ASPH: variants seen among roughly 807,000 people sequenced by gnomAD.
ASPH encodes aspartyl/asparaginyl beta-hydroxylase.
A neutral mutation model predicts 118.4 loss-of-function variants in ASPH; 100 were observed. The ratio of observed to expected loss-of-function variants is 0.84; its 90% CI spans 0.72 to 1.00. The LOEUF is 1.00. Ranked by LOEUF, ASPH falls within the 50% of genes least tolerant of loss-of-function variation. ASPH has a pLI of 0.00. For missense variants in ASPH, 920 were observed against 919.5 expected, an observed-to-expected ratio of 1.00 and a Z score of -0.01; for synonymous variants, 315 against 325.6, an observed-to-expected ratio of 0.97 and a Z score of 0.35.
At position 61,579,382 on chromosome 8, in the gene ASPH, T is replaced by A. The variant is rs1836610679; in HGVS notation, c.1063-2524A>T. 7 of 1,613,914 alleles carry A rather than the reference T, an allele frequency of 4.3e-6. No homozygotes were observed. In the Admixed American group the frequency reaches 1.2e-4, roughly 27 times the overall value. On this transcript the variant is annotated intron_variant, in intron 15 of 24. Transcript: ENST00000379454. ...GTCAAGCTGGCCCTGGACATCGAGA[T>A]CGCCACCTACAGGAAGCTGCTGGAG...
rs1806316440 is a variant in ASPH, at chr8:61,643,543, T to C, written c.710-110A>G. On this transcript the variant is annotated intron_variant, in intron 8 of 24. Coordinates refer to ENST00000379454, the MANE Select transcript of ASPH (RefSeq NM_004318.4). Reference sequence around the variant, plus strand: ...TATCTTCACAACTTTGCCAGATAGATGTTTTCATTATCATTTAATAAAATT... The same window carrying C: ...TATCTTCACAACTTTGCCAGATAGACGTTTTCATTATCATTTAATAAAATT... 11 of 1,061,482 alleles carry C rather than the reference T, an allele frequency of 1.0e-5. 1 individual carries two copies. The South Asian group carries it at 1.6e-4, about 16-fold the overall frequency. 65.8% of individuals were successfully genotyped at this position (1,061,482 alleles called of 1,614,324 possible).
At chr8:61,675,567 A>C in intron 3 of ASPH, 50 of 979,726 alleles carry the variant, frequency 5.1e-5, no homozygotes, top group Non-Finnish European at 5.9e-5. Flanking sequence ...AAATTACAAT[A>C]AAAAATATCA....
At position 61,714,510 on chromosome 8, in the gene ASPH, T is replaced by G. The variant is rs1433036085; in HGVS notation, c.-139A>C. ...CTGCTCCTGCAGCAGACCCTGTGCC[T>G]CAGCACCGCCTGCAGCACCTGGGAA... On this transcript the variant is annotated 5_prime_UTR_variant, in exon 1 of 25. Coordinates refer to ENST00000379454, the MANE Select transcript of ASPH (RefSeq NM_004318.4). The G allele has an allele frequency of 4.9e-6, 6 of 1,235,020 alleles. No individual in the cohort carries two copies. The Admixed American group carries it at 1.2e-4, about 26-fold the overall frequency. The allele number at this position is 1,235,020 out of a possible 1,614,324, so 76.5% of individuals were successfully genotyped here. A position where few individuals can be genotyped will look rare whatever the true frequency, so the allele number is the denominator to read the frequency against.
intron 14 of ASPH, among the ~76,000 whole-genome samples, chr8:61,617,226 T>C (rs1392853173): frequency 6.6e-6 from 1 of 152,108 alleles, no homozygotes; most frequent in Non-Finnish European, 1.5e-5. Context: ...CTCCGAGGAC[T>C]AAGTCTGGGG....
chr8:61,525,914 T>C (rs151227328), intron 22 of ASPH, 63 bp downstream of exon 22: 43 of 1,602,624 alleles, frequency 2.7e-5, no homozygotes, highest in Non-Finnish European at 3.6e-5. Context: ...AGAAGACTCT[T>C]GTCAGTACCC....
intron 1 of ASPH, among the ~76,000 whole-genome samples, chr8:61,709,111 G>T (rs1837455234): frequency 6.6e-6 from 1 of 152,100 alleles, no homozygotes; most frequent in Non-Finnish European, 1.5e-5. Flanking sequence ...TTTGTCCTCA[G>T]CTGTGGCCAA....
rs201865722 is a variant in ASPH at position 61,525,356 on chromosome 8, G to GCGCA, written c.1900+620_1900+621insTGCG. Among the ~76,000 whole-genome samples, 80 of 143,918 alleles carry GCGCA rather than the reference G, an allele frequency of 5.6e-4. No individual in the cohort carries two copies. The East Asian group carries it at 0.014, about 25-fold the overall frequency. 94.4% of individuals were successfully genotyped at this position (143,918 alleles called of 152,430 possible). On this transcript the variant is annotated intron_variant, in intron 22 of 24. Coordinates refer to ENST00000379454, the MANE Select transcript of ASPH (RefSeq NM_004318.4). ...CAATTCACTGAAAACACACACACAC[G>GCGCA]CACACACACACACATACACACACGC... is the stretch of plus-strand genomic sequence containing the variant.
At chr8:61,574,496 C>G (rs1834454919) in intron 16 of ASPH, among the ~76,000 whole-genome samples, 1 of 152,196 alleles carries the variant, frequency 6.6e-6, no homozygotes, top group African/African-American at 2.4e-5. Context: ...GGCACATATA[C>G]ACCATGGAAT....
chr8:61,643,878 G>T, intron 8 of ASPH, 67 bp downstream of exon 8: 1 of 1,235,256 alleles, frequency 8.1e-7, no homozygotes, highest in South Asian at 1.3e-5. Context: ...GTTAACCCTG[G>T]AATAAAACGG....
At chr8:61,664,023 T>C (rs962109671) in intron 3 of ASPH, 4 of 906,332 alleles carry the variant, frequency 4.4e-6, no homozygotes, top group African/African-American at 3.6e-5. Flanking sequence ...GGTAGCATTT[T>C]TGATTCTGTT....
At chr8:61,537,556 T>C (rs181784267) in intron 21 of ASPH, among the ~76,000 whole-genome samples, 10 of 152,072 alleles carry the variant, frequency 6.6e-5, no homozygotes, top group Non-Finnish European at 1.5e-4. Flanking sequence ...ATTATTATTA[T>C]TTTGTAGCAA....
chr8:61,503,562 C>G, intron 24 of ASPH, 53 bp from the exon 25 acceptor site: 2 of 1,509,504 alleles, frequency 1.3e-6, no homozygotes, highest in South Asian at 2.5e-5. Flanking sequence ...GTTCAGATGT[C>G]TGAGGATCGA....
At position 61,517,625 on chromosome 8, in the gene ASPH, A is replaced by T. The variant is rs756734362; in HGVS notation, c.2029T>A (p.Trp677Arg). 4.3e-6 allele frequency: 7 copies of T among 1,614,110 alleles called. No homozygotes were observed. Among genetic ancestry groups the T allele is most frequent in the Non-Finnish European group, 5.9e-6 (7 of 1,179,950 alleles). ...YSIMHPGTHV[W>R]PHTGPTNCRL... is the part of the protein sequence containing the mutation. ...CAGTTTGTGGGCCCTGTGTGCGGCC[A>T]CACGTGAGTCCCGGGGTGCATGATG... The change falls in exon 24 of 25, where the codon TGG becomes AGG. Residue 677 changes from tryptophan to arginine, a missense_variant. Transcript: ENST00000379454.
chr8:61,658,523 C>T (rs1198118369), intron 3 of ASPH: 1 of 152,112 alleles, frequency 6.6e-6, no homozygotes, highest in Non-Finnish European at 1.5e-5. Flanking sequence ...CCTTTGAATT[C>T]CATTTGAATT....
intron 14 of ASPH, among the ~76,000 whole-genome samples, chr8:61,609,243 C>T (rs1846556083): frequency 5.9e-5 from 9 of 152,156 alleles, no homozygotes; most frequent in Admixed American, 5.9e-4. Context: ...GCTACCCCTC[C>T]ACGTGGAAAT....
rs183941219 is a variant in ASPH at position 61,528,776 on chromosome 8, G to A, written c.1765-2664C>T. Among the ~76,000 whole-genome samples the A allele has an allele frequency of 2.8e-3, 429 of 152,192 alleles. 1 individual carries two copies. Among genetic ancestry groups the A allele is most frequent in the Non-Finnish European group, 5.1e-3 (344 of 68,010 alleles). ...GGGAAGTGTTGCCAAGGTACTTTTC[G>A]TGAATAGTAATAATTTTTTAAGAAA... On this transcript the variant is annotated intron_variant, in intron 21 of 24. Transcript: ENST00000379454.
At chr8:61,628,329 T>A in intron 13 of ASPH, 1 of 221,778 alleles carries the variant, frequency 4.5e-6, no homozygotes, top group Non-Finnish European at 9.0e-6. Flanking sequence ...CCGGCTTTTT[T>A]TTTTTTTTTT....
At chr8:61,683,031 A>C (rs1166745435) in intron 2 of ASPH, among the ~76,000 whole-genome samples, 1 of 152,202 alleles carries the variant, frequency 6.6e-6, no homozygotes, top group Non-Finnish European at 1.5e-5. Context: ...ATGCAGCCAT[A>C]AAATGAAGTA....
At chr8:61,611,847 G>A (rs1847471591) in intron 14 of ASPH, among the ~76,000 whole-genome samples, 1 of 152,188 alleles carries the variant, frequency 6.6e-6, no homozygotes, top group South Asian at 2.1e-4. Context: ...GCTTTACACT[G>A]TTGGAGAGTC....
Sources: gnomAD v4.1 joint callset for allele counts (sites outside exome capture counted in the v4.1 genomes callset) on GRCh38, gnomAD v4.1.1 for gene constraint, MANE v1.5 for transcripts, NCBI Gene and HGNC (gene_info 2026-07-23, HGNC 2026-07-21) for gene names.